Variants in DMD observed in about 807,000 individuals in gnomAD.
The protein encoded by DMD is mutant dystrophin.
In DMD, 63 loss-of-function variants were observed where a neutral mutation model predicts 330.1. That is an observed-to-expected ratio of 0.19 (90% CI 0.16 to 0.24). The LOEUF (loss-of-function observed/expected upper bound fraction) is 0.24, where lower values mean the gene tolerates loss of function less well. DMD is among the 10% of genes least tolerant of loss of function. The probability of loss-of-function intolerance (pLI) is 1.00; values close to 1 mark genes in which losing one functional copy is unlikely to be tolerated. For synonymous variants in DMD, 1,223 were observed against 959.8 expected, an observed-to-expected ratio of 1.27 and a Z score of -5.07; for missense variants, 3,344 against 2,684.1, an observed-to-expected ratio of 1.25 and a Z score of -5.43.
At chrX:32,701,330 T>C (rs1207081420) in intron 7 of DMD, among the ~76,000 whole-genome samples, 2 of 112,196 alleles carry the variant, frequency 1.8e-5, no homozygotes, top group African/African-American at 3.2e-5. Context: ...ACAACACATA[T>C]GGCTCAACTT....
At chrX:32,616,917 TTCTGTTCCTTA>T (rs2057627472) in intron 11 of DMD, among the ~76,000 whole-genome samples, 1 of 109,525 alleles carries the variant, frequency 9.1e-6, no homozygotes, top group Non-Finnish European at 1.9e-5. Flanking sequence ...ACCTTGTGAC[TTCTGTTCCTTA>T]TCTGTGAACT....
Position 33,048,081 on chromosome X carries a change from A to G in DMD, c.32-27881T>C, listed in dbSNP as rs189160399. Among the ~76,000 whole-genome samples, 5 of 112,465 alleles carry G rather than the reference A, an allele frequency of 4.4e-5. No individual in the cohort carries two copies. The East Asian group carries it at 1.1e-3, about 25-fold the overall frequency. Reference sequence around the variant, plus strand: ...AAATCTATTAAACCTAACTGTATATATGCATATAATATTTTTGTTAAGAAA... The same window carrying G: ...AAATCTATTAAACCTAACTGTATATGTGCATATAATATTTTTGTTAAGAAA... On this transcript the variant is annotated intron_variant, in intron 1 of 78. Coordinates refer to ENST00000357033, the MANE Select transcript of DMD (RefSeq NM_004006.3).
At chrX:32,997,248 ATT>A (rs375762177) in intron 2 of DMD, among the ~76,000 whole-genome samples, 2 of 98,640 alleles carry the variant, frequency 2.0e-5, no homozygotes, top group Non-Finnish European at 2.1e-5. Flanking sequence ...GCCTCCCGCC[ATT>A]TTTTTTTTTT....
At chrX:32,766,238 T>C (rs2072966024) in intron 7 of DMD, among the ~76,000 whole-genome samples, 1 of 111,499 alleles carries the variant, frequency 9.0e-6, no homozygotes, top group South Asian at 3.7e-4. Flanking sequence ...AAAAACTAAT[T>C]GGGATTTTCT....
intron 1 of DMD, among the ~76,000 whole-genome samples, chrX:33,120,369 G>C (rs1295224414): frequency 9.0e-6 from 1 of 111,462 alleles, no homozygotes; most frequent in Non-Finnish European, 1.9e-5. Flanking sequence ...AGATGAGATG[G>C]CTGCGTGCTT....
At chrX:31,304,965 G>A (rs2054916859) in intron 62 of DMD, among the ~76,000 whole-genome samples, 1 of 111,694 alleles carries the variant, frequency 9.0e-6, no homozygotes, top group Non-Finnish European at 1.9e-5. Context: ...CTACACGGAA[G>A]AGTAGCTATC....
intron 1 of DMD, among the ~76,000 whole-genome samples, chrX:33,263,647 C>T (rs1385768729): frequency 9.2e-6 from 1 of 109,041 alleles, no homozygotes; most frequent in Non-Finnish European, 1.9e-5. Flanking sequence ...ACTATTATTA[C>T]ATATTATTAG....
At chrX:32,836,038 A>AT (rs201112620) in intron 4 of DMD, among the ~76,000 whole-genome samples, 4,414 of 103,886 alleles carry the variant, frequency 0.042, 256 homozygotes, top group African/African-American at 0.15. Context: ...TCAAAAAAAA[A>AT]TTTTTTTTTT....
intron 25 of DMD, among the ~76,000 whole-genome samples, chrX:32,455,939 C>G (rs899832732): frequency 1.4e-4 from 16 of 111,184 alleles, no homozygotes; most frequent in Middle Eastern, 4.8e-3. Context: ...AAACTTAAAA[C>G]ATCTAAAAGA....
At chrX:31,423,954 T>C (rs1333796025) in intron 60 of DMD, among the ~76,000 whole-genome samples, 1 of 110,837 alleles carries the variant, frequency 9.0e-6, no homozygotes, top group Non-Finnish European at 1.9e-5. Flanking sequence ...GGCAAACCAG[T>C]CCCTGCTTCA....
intron 1 of DMD, among the ~76,000 whole-genome samples, chrX:33,099,663 G>T (rs899929555): frequency 8.9e-6 from 1 of 111,829 alleles, no homozygotes; most frequent in African/African-American, 3.2e-5. Flanking sequence ...TATCTATCTA[G>T]AAACATATCT....
At chrX:31,874,676 G>C (rs1006245425) in intron 48 of DMD, among the ~76,000 whole-genome samples, 3 of 110,755 alleles carry the variant, frequency 2.7e-5, no homozygotes, top group Admixed American at 9.7e-5. Flanking sequence ...CTTTAGTCAG[G>C]CTTCTGAACC....
Position 32,609,111 on chromosome X carries a change from C to A in DMD, c.1482+5192G>T, listed in dbSNP as rs1043537415. ...AATCTATTACTTTGAGCTTTTTGTT[C>A]ATATCCTAAATCTAGTCCTATTGGT... On this transcript the variant is annotated intron_variant, in intron 12 of 78. Transcript: ENST00000357033. 2.7e-5 allele frequency among the ~76,000 whole-genome samples: 3 copies of A among 110,054 alleles called. No homozygotes were observed. In the South Asian group the frequency reaches 1.1e-3, roughly 42 times the overall value.
intron 43 of DMD, among the ~76,000 whole-genome samples, chrX:32,279,653 C>T (rs759405999): frequency 1.1e-3 from 99 of 87,365 alleles, no homozygotes; most frequent in African/African-American, 3.4e-3. Flanking sequence ...AGGATGGTTA[C>T]CAGAGGCTGT....
intron 44 of DMD, among the ~76,000 whole-genome samples, chrX:32,190,112 G>T (rs2147576239): frequency 9.0e-6 from 1 of 110,695 alleles, no homozygotes; most frequent in Admixed American, 9.7e-5. Flanking sequence ...TTAAAGAAGA[G>T]AGTACTATTG....
chrX:31,507,642 G>A (rs1292917796), intron 55 of DMD, among the ~76,000 whole-genome samples, 189 bp from the exon 56 acceptor site: 2 of 112,299 alleles, frequency 1.8e-5, no homozygotes, highest in Non-Finnish European at 3.8e-5. Flanking sequence ...CTGTTATTAT[G>A]TAGATTTAAA....
At chrX:31,867,209 T>G (rs919867080) in intron 48 of DMD, among the ~76,000 whole-genome samples, 5 of 104,109 alleles carry the variant, frequency 4.8e-5, no homozygotes, top group African/African-American at 1.1e-4. Flanking sequence ...CAAAATTTGT[T>G]TTTTTTTTTA....
At chrX:32,001,074 C>CT (rs1410594056) in intron 44 of DMD, among the ~76,000 whole-genome samples, 1 of 111,229 alleles carries the variant, frequency 9.0e-6, no homozygotes, top group Non-Finnish European at 1.9e-5. Context: ...ATTAAAAGTG[C>CT]TTTTACCTAT....
chrX:32,915,368 T>C (rs1039178212), intron 2 of DMD, among the ~76,000 whole-genome samples: 109 of 112,280 alleles, frequency 9.7e-4, no homozygotes, highest in African/African-American at 3.4e-3. Context: ...ATATAATTTA[T>C]CCTGATTTCT....
Sources: gnomAD v4.1 joint callset for allele counts (sites outside exome capture counted in the v4.1 genomes callset) on GRCh38, gnomAD v4.1.1 for gene constraint, MANE v1.5 for transcripts, NCBI Gene and HGNC (gene_info 2026-07-23, HGNC 2026-07-21) for gene names.